Variants in ACCS observed in about 807,000 individuals in gnomAD.
ACCS encodes 1-aminocyclopropane-1-carboxylate synthase homolog (inactive), also known as 1-aminocyclopropane-1-carboxylate synthase-like protein 1.
Under a neutral mutation model 59.8 loss-of-function variants are expected in ACCS, and 42 were observed. The ratio of observed to expected loss-of-function variants is 0.70; its 90% confidence interval spans 0.55 to 0.91. The LOEUF is 0.91. ACCS is among the 40% of genes least tolerant of loss of function. The probability of loss-of-function intolerance (pLI) is 0.00; values close to 1 mark genes in which losing one functional copy is unlikely to be tolerated. For synonymous variants in ACCS, 230 were observed against 240.3 expected, an observed-to-expected ratio of 0.96 and a Z score of 0.40; for missense variants, 602 against 630.4, an observed-to-expected ratio of 0.95 and a Z score of 0.48.
chr11:44,074,317 G>T (rs1953205084), intron 4 of ACCS, among the ~76,000 whole-genome samples: 1 of 152,110 alleles, frequency 6.6e-6, no homozygotes, highest in South Asian at 2.1e-4. Context: ...GCCAATAGTT[G>T]TTGTTGTAGT....
At chr11:44,079,740 G>T (rs1354326996) in intron 10 of ACCS, 120 bp downstream of exon 10, 3 of 771,744 alleles carry the variant, frequency 3.9e-6, no homozygotes, top group Non-Finnish European at 6.4e-6. Context: ...CCACCCAGCT[G>T]GTCCCACTGG....
intron 9 of ACCS, 23 bp from the exon 10 acceptor site, chr11:44,079,508 T>C: frequency 6.3e-7 from 1 of 1,596,158 alleles, no homozygotes; most frequent in Non-Finnish European, 8.5e-7. Context: ...AAGTCTCTCC[T>C]CCCCACCCCT....
At chr11:44,071,377 G>A (rs1953043519) in intron 3 of ACCS, 62 bp downstream of exon 3, 5 of 1,583,446 alleles carry the variant, frequency 3.2e-6, no homozygotes, top group Non-Finnish European at 4.3e-6. Flanking sequence ...TCCCTGGAAT[G>A]CTTTCCCAAC....
chr11:44,081,973 A>G (rs917299820), intron 12 of ACCS: 1 of 152,324 alleles, frequency 6.6e-6, no homozygotes, highest in African/African-American at 2.4e-5. Context: ...GCCGCCATTT[A>G]CTGAGCCTAG....
intron 9 of ACCS, 141 bp from the exon 10 acceptor site, chr11:44,079,390 T>C: frequency 1.6e-6 from 1 of 630,230 alleles, no homozygotes; most frequent in East Asian, 2.8e-5. Context: ...GAAGAAAGAA[T>C]GGTGTTCTTG....
intron 10 of ACCS, among the ~76,000 whole-genome samples, chr11:44,080,176 G>A (rs1953572385): frequency 6.6e-6 from 1 of 152,186 alleles, no homozygotes; most frequent in Non-Finnish European, 1.5e-5. Flanking sequence ...CATGAGCCCA[G>A]GAGTTTGAGA....
rs766570260 is a variant in ACCS at position 44,077,838 on chromosome 11, T to C, written c.655-7T>C. On this transcript the variant is annotated splice_polypyrimidine_tract_variant and splice_region_variant and intron_variant, in intron 7 of 14. Coordinates refer to ENST00000263776, the MANE Select transcript of ACCS (RefSeq NM_032592.4). ...GTGGCTGGTGGCTCTGATGGGTCTT[T>C]TTCCAGGTCACTGGGCTAGACACAC... The C allele has an allele frequency of 7.4e-6, 12 of 1,612,988 alleles. No homozygotes were observed. The South Asian group carries it at 1.1e-4, about 15-fold the overall frequency.
At position 44,077,377 on chromosome 11, in the gene ACCS, G is replaced by A. The variant is rs748879369; in HGVS notation, c.654+1G>A. ...GGCCTATGTCTACCTGGACAGTGAG[G>A]TAAGAGTCTTGACTTCCTAGGTGGA... On this transcript the variant is annotated splice_donor_variant, in intron 7 of 14. Transcript: ENST00000263776. LOFTEE classifies it high-confidence loss of function. The A allele has an allele frequency of 3.1e-6, 5 of 1,613,952 alleles. No homozygotes were observed. Among genetic ancestry groups the A allele is most frequent in the Non-Finnish European group, 3.4e-6 (4 of 1,179,904 alleles).
chr11:44,073,363 A>G, intron 3 of ACCS, 84 bp from the exon 4 acceptor site: 8 of 1,101,832 alleles, frequency 7.3e-6, no homozygotes, highest in Non-Finnish European at 9.5e-6. Flanking sequence ...TGAGCAGAAC[A>G]AGCGTTCAGC....
chr11:44,080,967 G>A lies in ACCS; in HGVS notation c.924-53G>A, dbSNP rs372637955. Reference sequence around the variant, plus strand: ...TCTTCATTTGTTCAACCAAACACATGTGGGTTTCCATAGTTCTGTGTTGCC... The same window carrying A: ...TCTTCATTTGTTCAACCAAACACATATGGGTTTCCATAGTTCTGTGTTGCC... On this transcript the variant is annotated intron_variant, in intron 10 of 14. Transcript: ENST00000263776. The A allele has an allele frequency of 4.2e-5, 67 of 1,606,048 alleles. No individual in the cohort carries two copies. In the African/African-American group the frequency reaches 8.0e-4, roughly 19 times the overall value.
Position 44,067,793 on chromosome 11 carries a change from A to G in ACCS, c.166A>G (p.Ile56Val), listed in dbSNP as rs767703599. Reference protein sequence around the residue: ...ELRGVGDPAMISSDTSYLSSR... With the variant: ...ELRGVGDPAMVSSDTSYLSSR... The stretch of plus-strand genomic sequence containing the variant: ...CCGTGGAGTGGGTGATCCTGCCATG[A>G]TCTCCTCTGATACCTCCTACCTGTC... The change falls in exon 2 of 15, where the codon ATC (isoleucine) becomes GTC (valine). Residue 56 changes from isoleucine to valine, a missense_variant. Ile to Val is a conservative substitution (Grantham distance 29). Transcript: ENST00000263776. 5.0e-6 allele frequency: 8 copies of G among 1,614,132 alleles called. No homozygotes were observed. Among genetic ancestry groups the G allele is most frequent in the East Asian group, 2.2e-5 (1 of 44,882 alleles).
At position 44,083,827 on chromosome 11, in the gene ACCS, G is replaced by A. The variant is rs1446715320; in HGVS notation, c.*35G>A. The stretch of plus-strand genomic sequence containing the variant: ...TGTCTCGTGGCCAGAGGGCCCAGCA[G>A]CCACTGTGGACCTGGGGCGTTCTGG... On this transcript the variant is annotated 3_prime_UTR_variant, in exon 15 of 15. Coordinates refer to ENST00000263776, the MANE Select transcript of ACCS (RefSeq NM_032592.4). 3 of 1,565,184 alleles carry A rather than the reference G, an allele frequency of 1.9e-6. No individual in the cohort carries two copies. The highest frequency in any genetic ancestry group is 2.4e-5 in the East Asian group (1 of 41,756).
chr11:44,083,569 T>A lies in ACCS; in HGVS notation c.1400T>A (p.Leu467His). 3.1e-6 allele frequency: 5 copies of A among 1,614,250 alleles called. No homozygotes were observed. Among genetic ancestry groups the A allele is most frequent in the Non-Finnish European group, 4.2e-6 (5 of 1,180,046 alleles). Residue 467 changes from leucine (L) to histidine (H), a missense_variant, in exon 14 of 15, where the codon CTT (leucine) becomes CAT (histidine). Physicochemically the swap from Leu to His is moderately conservative, Grantham distance 99. Transcript: ENST00000263776. ...GTCTTCTCAGACCAGGTCCACCGGC[T>A]TTGCCTGGGTGAGCAGCCTGCCTTT... The part of the protein sequence containing the change: ...RFVFSDQVHR[L>H]CLGMQRVQQV...
rs1335729526 is a variant in ACCS, at chr11:44,067,788, C to A, written c.161C>A (p.Ala54Asp). ...GAGCTCCGTGGAGTGGGTGATCCTG[C>A]CATGATCTCCTCTGATACCTCCTAC... The part of the protein sequence containing the change: ...LPELRGVGDP[A>D]MISSDTSYLS... Residue 54 changes from alanine to aspartate, a missense_variant, in exon 2 of 15, where the codon GCC (alanine) becomes GAC (aspartate). Transcript: ENST00000263776. 2 of 1,614,026 alleles carry A rather than the reference C, an allele frequency of 1.2e-6. No individual in the cohort carries two copies. The highest frequency in any genetic ancestry group is 1.7e-6 in the Non-Finnish European group (2 of 1,180,038).
intron 9 of ACCS, 62 bp from the exon 10 acceptor site, chr11:44,079,469 C>A: frequency 1.4e-6 from 2 of 1,419,560 alleles, no homozygotes; most frequent in Non-Finnish European, 2.0e-6. Flanking sequence ...TACCTCCCCA[C>A]CCTGTGGGAC....
intron 1 of ACCS, among the ~76,000 whole-genome samples, 162 bp downstream of exon 1, chr11:44,066,863 TATA>T: frequency 6.6e-6 from 1 of 152,388 alleles, no homozygotes; most frequent in East Asian, 1.9e-4. Context: ...GGAGTTACGC[TATA>T]ATGACTCATA....
chr11:44,073,591 A>C, intron 4 of ACCS, 74 bp downstream of exon 4: 1 of 1,463,462 alleles, frequency 6.8e-7, no homozygotes, highest in African/African-American at 1.4e-5. Flanking sequence ...TTTGGTTGTT[A>C]TAACTGGGAA....
At chr11:44,072,660 A>T (rs1421899662) in intron 3 of ACCS, among the ~76,000 whole-genome samples, 1 of 152,242 alleles carries the variant, frequency 6.6e-6, no homozygotes, top group African/African-American at 2.4e-5. Context: ...GCATGTCATC[A>T]GTACAAAAAT....
intron 10 of ACCS, among the ~76,000 whole-genome samples, chr11:44,080,252 A>T (rs1486846857): frequency 6.6e-6 from 1 of 152,200 alleles, no homozygotes; most frequent in Admixed American, 6.5e-5. Flanking sequence ...GGACCAGATC[A>T]TGTGGGTAGT....
Sources: gnomAD v4.1 joint callset for allele counts (sites outside exome capture counted in the v4.1 genomes callset) on GRCh38, gnomAD v4.1.1 for gene constraint, MANE v1.5 for transcripts, NCBI Gene and HGNC (gene_info 2026-07-23, HGNC 2026-07-21) for gene names.